Variants in ZNF500 observed in about 807,000 individuals in gnomAD.
ZNF500 encodes the protein zinc finger protein with KRAB and SCAN domains 18.
In ZNF500, 31 loss-of-function variants were observed where a neutral mutation model predicts 30.1. That is an observed-to-expected ratio of 1.03 (90% confidence interval 0.77 to 1.39). The LOEUF is 1.39. Ranked by LOEUF, ZNF500 falls within the 40% of genes most tolerant of loss-of-function variation. The pLI, the probability that ZNF500 is intolerant of heterozygous loss-of-function variation, is 0.00. For synonymous variants in ZNF500, 392 were observed against 282.0 expected, an observed-to-expected ratio of 1.39 and a Z score of -3.91; for missense variants, 817 against 657.8, an observed-to-expected ratio of 1.24 and a Z score of -2.65.
At chr16:4,757,215 G>C (rs192294744) in intron 5 of ZNF500, among the ~76,000 whole-genome samples, 3 of 152,194 alleles carry the variant, frequency 2.0e-5, no homozygotes, top group South Asian at 2.1e-4. Flanking sequence ...ATTACGAAGA[G>C]TGAAAGAACA....
chr16:4,756,273 C>G (rs1045578320), intron 5 of ZNF500: 8 of 152,156 alleles, frequency 5.3e-5, no homozygotes, highest in African/African-American at 1.9e-4. Context: ...ATCACAAGAT[C>G]AGGAGTTCAA....
downstream of ZNF500, chr16:4,744,851 C>G: frequency 6.2e-7 from 1 of 1,607,264 alleles, no homozygotes; most frequent in Non-Finnish European, 8.5e-7. Flanking sequence ...TAATCAGCCT[C>G]TCCTTTGGCC....
At chr16:4,762,460 C>T (rs2082216289) in intron 3 of ZNF500, 113 bp downstream of exon 3, 7 of 1,512,216 alleles carry the variant, frequency 4.6e-6, no homozygotes, top group Non-Finnish European at 5.3e-6. Context: ...TGCTGGAGAG[C>T]CTGTGCACCC....
In ZNF500 at chr16:4,760,931, C is replaced by T. The variant is rs369997288; in HGVS notation, c.664-343G>A. On this transcript the variant is annotated intron_variant, in intron 4 of 5. Coordinates refer to ENST00000219478, the MANE Select transcript of ZNF500 (RefSeq NM_021646.4). Reference sequence around the variant, plus strand: ...GCTAGCCAGCCCCAGGACCCCATTGCGGCAGACGGGGGACTTCAGGATGCC... The same window carrying T: ...GCTAGCCAGCCCCAGGACCCCATTGTGGCAGACGGGGGACTTCAGGATGCC... Among the ~76,000 whole-genome samples, 47 of 152,234 alleles carry T rather than the reference C, an allele frequency of 3.1e-4. No homozygotes were observed. The East Asian group carries it at 8.7e-3, about 28-fold the overall frequency.
downstream of ZNF500, chr16:4,746,304 G>C: frequency 6.7e-7 from 1 of 1,495,802 alleles, no homozygotes; most frequent in South Asian, 1.3e-5. Flanking sequence ...ACTGTGACTG[G>C]ACAAACCCAG....
chr16:4,758,033 C>G (rs1335351094), intron 5 of ZNF500, among the ~76,000 whole-genome samples: 6 of 151,390 alleles, frequency 4.0e-5, no homozygotes, highest in African/African-American at 1.5e-4. Context: ...TCCCAAGTAG[C>G]TGGGATTATA....
downstream of ZNF500, chr16:4,747,137 G>A (rs538784099): frequency 3.6e-4 from 437 of 1,230,056 alleles, 1 homozygote; most frequent in Middle Eastern, 1.1e-3. Context: ...TGCACCCACC[G>A]CACAGGGTGA....
chr16:4,744,999 A>C, downstream of ZNF500: 1 of 1,613,372 alleles, frequency 6.2e-7, no homozygotes, highest in East Asian at 2.2e-5. Context: ...AAAGAGGCAG[A>C]TTCAGGAAGC....
intron 2 of ZNF500, chr16:4,763,561 C>G: frequency 1.0e-6 from 1 of 985,392 alleles, no homozygotes; most frequent in Non-Finnish European, 1.2e-6. Context: ...AACTACAAAC[C>G]CAGCGTCAGG....
In ZNF500 at chr16:4,760,549, C is replaced by CA. The variant is rs1466172526; in HGVS notation, c.702dup (p.Gly235TrpfsTer19). On this transcript the variant is annotated frameshift_variant, in exon 5 of 6. Coordinates refer to ENST00000219478, the MANE Select transcript of ZNF500 (RefSeq NM_021646.4). LOFTEE classifies it high-confidence loss of function. Reference sequence around the variant, plus strand: ...GGGTCCATGCATCTTGGCTCCTCCCCAGAAAGGTATACAGCCACGTCCTCC... The same window carrying CA: ...GGGTCCATGCATCTTGGCTCCTCCCCAAGAAAGGTATACAGCCACGTCCTCC... The CA allele has an allele frequency of 6.2e-7, 1 of 1,613,786 alleles. No homozygotes were observed.
chr16:4,760,839 C>A (rs11646979), intron 4 of ZNF500, among the ~76,000 whole-genome samples: 1 of 152,048 alleles, frequency 6.6e-6, no homozygotes, highest in Admixed American at 6.6e-5. Context: ...GAGTGGTGGA[C>A]CCACTGCACA....
At position 4,752,975 on chromosome 16, in the gene ZNF500, G is replaced by T; in HGVS notation, c.844C>A (p.Arg282=). The part of the protein sequence containing the change: ...RMEWYRVLSA[R]CQGPGHPLPG... ...AGCGGGTGGCCAGGCCCCTGGCATC[G>T]TGCCGAGAGCACTCGGTACCACTCC... Residue 282 remains arginine, a synonymous_variant, in exon 6 of 6, where the codon CGA becomes AGA. Transcript: ENST00000219478. 1 of 1,606,096 alleles carries T rather than the reference G, an allele frequency of 6.2e-7. No homozygotes were observed.
chr16:4,753,369 G>A (rs993780317), intron 5 of ZNF500, among the ~76,000 whole-genome samples: 3 of 152,322 alleles, frequency 2.0e-5, no homozygotes, highest in East Asian at 3.9e-4. Flanking sequence ...GGCTGAGGTC[G>A]GAGGATCACT....
Position 4,760,933 on chromosome 16 carries a change from G to A in ZNF500, c.664-345C>T, listed in dbSNP as rs569922749. Among the ~76,000 whole-genome samples, 9 of 152,292 alleles carry A rather than the reference G, an allele frequency of 5.9e-5. No individual in the cohort carries two copies. The South Asian group carries it at 1.7e-3, about 28-fold the overall frequency. On this transcript the variant is annotated intron_variant, in intron 4 of 5. Coordinates refer to ENST00000219478, the MANE Select transcript of ZNF500 (RefSeq NM_021646.4). ...TAGCCAGCCCCAGGACCCCATTGCG[G>A]CAGACGGGGGACTTCAGGATGCCTC...
chr16:4,759,092 C>T (rs1239865814), intron 5 of ZNF500, among the ~76,000 whole-genome samples: 2 of 348 alleles, frequency 5.7e-3, no homozygotes, highest in Non-Finnish European at 0.015. Flanking sequence ...ACCTGTAATC[C>T]CAGCTACTTT....
intron 2 of ZNF500, 124 bp from the exon 3 acceptor site, chr16:4,762,880 C>T (rs2082222384): frequency 5.6e-6 from 8 of 1,425,912 alleles, no homozygotes; most frequent in Non-Finnish European, 7.3e-6. Context: ...TGTCTGCAGC[C>T]TCCCTCCCTC....
intron 3 of ZNF500, 41 bp from the exon 4 acceptor site, chr16:4,762,376 C>A: frequency 6.4e-7 from 1 of 1,567,760 alleles, no homozygotes; most frequent in South Asian, 1.2e-5. Context: ...ACAGCTCACC[C>A]AGTACTGCCC....
chr16:4,747,934 C>G (rs1366927697), downstream of ZNF500, among the ~76,000 whole-genome samples: 1 of 152,152 alleles, frequency 6.6e-6, no homozygotes, highest in Non-Finnish European at 1.5e-5. Context: ...CTGCGGGACT[C>G]TGAGGCTCTT....
chr16:4,745,873 G>C (rs1200776711), downstream of ZNF500, among the ~76,000 whole-genome samples: 3 of 149,186 alleles, frequency 2.0e-5, no homozygotes, highest in East Asian at 2.0e-4. Flanking sequence ...GAAATCTCTT[G>C]AACCCAGGAG....
Sources: allele counts gnomAD v4.1 joint callset (sites outside exome capture counted in the v4.1 genomes callset), GRCh38; gene constraint gnomAD v4.1.1; transcripts MANE v1.5; gene names NCBI Gene and HGNC (gene_info 2026-07-23, HGNC 2026-07-21).